The following SCHIP1 variants were observed in gnomAD, a reference collection of about 807,000 sequenced individuals.
SCHIP1 encodes schwannomin interacting protein 1.
Under a neutral mutation model 29.7 loss-of-function variants are expected in SCHIP1, and 8 were observed. That is an observed-to-expected ratio of 0.27 (90% CI 0.16 to 0.49). SCHIP1 has a LOEUF of 0.49. Ranked by LOEUF, SCHIP1 falls within the 20% of genes least tolerant of loss-of-function variation. The pLI is 0.99. For missense variants in SCHIP1, 193 were observed against 294.6 expected (o/e 0.66, Z 2.52); for synonymous variants, 76 against 94.9 (o/e 0.80, Z 1.16).
chr3:159,434,961 G>A, the SCHIP1 span, among the ~76,000 whole-genome samples: 1 of 152,140 alleles, frequency 6.6e-6, no homozygotes, highest in Non-Finnish European at 1.5e-5. Context: ...GGTCCATTCA[G>A]CTTTTCTTTT....
the SCHIP1 span, among the ~76,000 whole-genome samples, chr3:159,313,553 C>T: frequency 2.0e-5 from 3 of 152,212 alleles, no homozygotes; most frequent in African/African-American, 7.2e-5. Context: ...TTTAGATTCA[C>T]AAGAGTTGCA....
the SCHIP1 span, among the ~76,000 whole-genome samples, chr3:159,750,242 T>C: frequency 3.0e-5 from 3 of 101,232 alleles, no homozygotes; most frequent in Non-Finnish European, 6.1e-5. Context: ...GCCAAATATA[T>C]ATAGGTGTGT....
the SCHIP1 span, among the ~76,000 whole-genome samples, chr3:159,630,082 T>G: frequency 6.6e-6 from 1 of 152,124 alleles, no homozygotes; most frequent in Non-Finnish European, 1.5e-5. Context: ...CCCAGAAGCA[T>G]GAAAGAGCAT....
the SCHIP1 span, among the ~76,000 whole-genome samples, chr3:159,614,416 A>G: frequency 6.6e-6 from 1 of 152,210 alleles, no homozygotes; most frequent in African/African-American, 2.4e-5. Flanking sequence ...ATAGCCATTT[A>G]GAATTCAGTG....
chr3:159,374,733 G>A, the SCHIP1 span, among the ~76,000 whole-genome samples: 125 of 152,128 alleles, frequency 8.2e-4, 2 homozygotes, highest in African/African-American at 2.9e-3. Context: ...TATTGCTTGT[G>A]CCTGAGACTC....
the SCHIP1 span, among the ~76,000 whole-genome samples, chr3:159,461,418 T>A: frequency 6.6e-6 from 1 of 152,044 alleles, no homozygotes; most frequent in Non-Finnish European, 1.5e-5. Flanking sequence ...TGGAATACAC[T>A]GCAGCCACTG....
intron 1 of SCHIP1, among the ~76,000 whole-genome samples, chr3:159,864,881 G>A (rs1035490703): frequency 6.6e-6 from 1 of 152,152 alleles, no homozygotes; most frequent in African/African-American, 2.4e-5. Flanking sequence ...TGTGCCCGAA[G>A]AGCTGAATTT....
the SCHIP1 span, among the ~76,000 whole-genome samples, chr3:159,353,926 C>A: frequency 6.6e-6 from 1 of 152,122 alleles, no homozygotes; most frequent in South Asian, 2.1e-4. Flanking sequence ...TTCAATAATT[C>A]TTTGTTAGCT....
At chr3:159,757,796 C>T in the SCHIP1 span, among the ~76,000 whole-genome samples, 1 of 152,210 alleles carries the variant, frequency 6.6e-6, no homozygotes, top group Non-Finnish European at 1.5e-5. Context: ...TCCTCTGTCC[C>T]ACCAAGCTAC....
chr3:159,539,050 G>T, the SCHIP1 span, among the ~76,000 whole-genome samples: 2 of 151,902 alleles, frequency 1.3e-5, no homozygotes, highest in African/African-American at 4.8e-5. Context: ...CCTACAAATG[G>T]CTAATAGTAA....
At chr3:159,442,921 T>C in the SCHIP1 span, among the ~76,000 whole-genome samples, 6 of 152,184 alleles carry the variant, frequency 3.9e-5, no homozygotes, top group Non-Finnish European at 7.3e-5. Flanking sequence ...AATGAAGGAT[T>C]ATCCCAAGGC....
the SCHIP1 span, among the ~76,000 whole-genome samples, chr3:159,810,080 C>G: frequency 6.6e-6 from 1 of 152,234 alleles, no homozygotes; most frequent in African/African-American, 2.4e-5. Flanking sequence ...GAGTCTCGCA[C>G]TGTCGCCCAG....
chr3:159,462,943 T>C, the SCHIP1 span, among the ~76,000 whole-genome samples: 51 of 152,220 alleles, frequency 3.4e-4, no homozygotes, highest in African/African-American at 5.8e-4. Flanking sequence ...TAGGTAAGTA[T>C]GGTACATGCA....
At chr3:159,892,585 C>T in intron 6 of SCHIP1, 1 of 320,558 alleles carries the variant, frequency 3.1e-6, no homozygotes, top group South Asian at 7.1e-5. Flanking sequence ...TTGTATGATC[C>T]AGTTCTTGAT....
chr3:159,602,361 G>A, the SCHIP1 span, among the ~76,000 whole-genome samples: 6 of 152,104 alleles, frequency 3.9e-5, no homozygotes, highest in Non-Finnish European at 5.9e-5. Context: ...GGTGCCTGAT[G>A]TCTCTAGTCA....
the SCHIP1 span, among the ~76,000 whole-genome samples, chr3:159,642,986 G>C: frequency 6.6e-6 from 1 of 152,036 alleles, no homozygotes; most frequent in Non-Finnish European, 1.5e-5. Flanking sequence ...GGGAGGTAAA[G>C]GTGAGTAAGC....
At chr3:159,694,892 C>T in the SCHIP1 span, among the ~76,000 whole-genome samples, 1 of 152,144 alleles carries the variant, frequency 6.6e-6, no homozygotes, top group Non-Finnish European at 1.5e-5. Flanking sequence ...TTGGGCTCAA[C>T]GTATCTATCA....
chr3:159,371,035 G>A, the SCHIP1 span, among the ~76,000 whole-genome samples: 1 of 125,650 alleles, frequency 8.0e-6, no homozygotes. Context: ...TAATATACTG[G>A]CTTATCTTGT....
chr3:159,854,259 A>C (rs1713045760), intron 1 of SCHIP1, among the ~76,000 whole-genome samples: 1 of 152,230 alleles, frequency 6.6e-6, no homozygotes, highest in Non-Finnish European at 1.5e-5. Flanking sequence ...TTAATTTTTA[A>C]TTTGATCAAA....
Sources: allele counts gnomAD v4.1 joint callset (sites outside exome capture counted in the v4.1 genomes callset), GRCh38; gene constraint gnomAD v4.1.1; transcripts MANE v1.5; gene names NCBI Gene and HGNC (gene_info 2026-07-23, HGNC 2026-07-21).